The following FHOD3 variants were observed in gnomAD, a reference collection of about 807,000 sequenced individuals.
FHOD3 encodes the protein formin homology 2 domain containing 3.
FHOD3 carries 90 observed loss-of-function variants against 173.0 expected under a neutral mutation model. The ratio of observed to expected loss-of-function variants is 0.52; its 90% confidence interval spans 0.44 to 0.62. The LOEUF is 0.62. Among genes scored for constraint, FHOD3 ranks in the 20% least tolerant of loss-of-function variants. FHOD3 has a pLI of 0.00. For synonymous variants in FHOD3, 828 were observed against 823.0 expected, an observed-to-expected ratio of 1.01 and a Z score of -0.10; for missense variants, 1,945 against 2,034.7, an observed-to-expected ratio of 0.96 and a Z score of 0.85.
chr18:36,312,381 C>G (rs1020818003), intron 1 of FHOD3, among the ~76,000 whole-genome samples: 3 of 152,150 alleles, frequency 2.0e-5, no homozygotes, highest in Admixed American at 2.0e-4. Flanking sequence ...TGACGACCCC[C>G]TAGAGCTGAC....
intron 3 of FHOD3, among the ~76,000 whole-genome samples, chr18:36,407,331 C>T (rs1351983593): frequency 2.0e-5 from 3 of 152,242 alleles, no homozygotes; most frequent in Non-Finnish European, 2.9e-5. Context: ...TCTACCAATT[C>T]ATTGATCCTC....
chr18:36,681,412 A>G lies in FHOD3; in HGVS notation c.1836-24A>G. On this transcript the variant is annotated intron_variant, in intron 14 of 28. Transcript: ENST00000590592. ...TTTTAATCACAGGCCAAGCAACTGAAACATTAACTCATTGTATCTCCAGGT... is the reference window on the plus strand; with the variant it reads ...TTTTAATCACAGGCCAAGCAACTGAGACATTAACTCATTGTATCTCCAGGT... 1.9e-6 allele frequency: 3 copies of G among 1,612,884 alleles called. No individual in the cohort carries two copies. The South Asian group carries it at 3.3e-5, about 18-fold the overall frequency.
chr18:36,320,717 A>G (rs543218162), intron 1 of FHOD3, among the ~76,000 whole-genome samples: 290 of 152,350 alleles, frequency 1.9e-3, no homozygotes, highest in Non-Finnish European at 3.3e-3. Flanking sequence ...TCTGGAATCA[A>G]TACCTGTCAA....
chr18:36,604,040 G>A (rs2031763145), intron 8 of FHOD3, among the ~76,000 whole-genome samples: 2 of 152,144 alleles, frequency 1.3e-5, no homozygotes, highest in Admixed American at 6.5e-5. Flanking sequence ...TCACCACCTT[G>A]TAGGGCAGTC....
At chr18:36,654,172 G>A (rs953745047) in intron 13 of FHOD3, among the ~76,000 whole-genome samples, 1 of 152,172 alleles carries the variant, frequency 6.6e-6, no homozygotes, top group African/African-American at 2.4e-5. Flanking sequence ...CCCAGTCTGG[G>A]TGCCCTACTC....
chr18:36,648,297 G>A (rs1034941995), intron 10 of FHOD3, among the ~76,000 whole-genome samples: 1 of 152,162 alleles, frequency 6.6e-6, no homozygotes, highest in African/African-American at 2.4e-5. Context: ...GCTAAAGGTG[G>A]AGGTCACTGG....
intron 3 of FHOD3, among the ~76,000 whole-genome samples, chr18:36,463,688 G>A (rs889643769): frequency 2.6e-5 from 4 of 151,866 alleles, no homozygotes; most frequent in Admixed American, 6.6e-5. Flanking sequence ...TAGAGATAGG[G>A]TTTCACCATG....
Position 36,718,498 on chromosome 18 carries a change from T to C in FHOD3, c.3200T>C (p.Leu1067Ser). Residue 1067 changes from leucine to serine, a missense_variant, in exon 19 of 29, where the codon TTA becomes TCA. By Grantham distance (145) the Leu-to-Ser change is moderately radical. This residue lies in a region of FHOD3 where 1,099 missense variants were observed against 1,051.2 expected (regional missense o/e 1.05). Coordinates refer to ENST00000590592, the MANE Select transcript of FHOD3 (RefSeq NM_001281740.3). ...PPPVFNAPQG[L>S]GWSQVPRGQP... Reference sequence around the variant, plus strand: ...CCAGTGTTCAACGCTCCTCAGGGCTTAGGGTGGTCCCAGGTACCCAGGGGT... The same window carrying C: ...CCAGTGTTCAACGCTCCTCAGGGCTCAGGGTGGTCCCAGGTACCCAGGGGT... The C allele has an allele frequency of 6.2e-7, 1 of 1,613,984 alleles. No individual in the cohort carries two copies. The highest frequency in any genetic ancestry group is 8.5e-7 in the Non-Finnish European group (1 of 1,180,006).
intron 9 of FHOD3, among the ~76,000 whole-genome samples, chr18:36,623,636 C>G (rs2033876030): frequency 6.6e-6 from 1 of 152,202 alleles, no homozygotes; most frequent in African/African-American, 2.4e-5. Context: ...TTTATCAATT[C>G]TTGCCTCAAA....
intron 5 of FHOD3, among the ~76,000 whole-genome samples, chr18:36,566,827 G>C (rs575533387): frequency 4.6e-5 from 7 of 151,904 alleles, no homozygotes; most frequent in African/African-American, 1.2e-4. Flanking sequence ...AAGGAGTCTG[G>C]AATAGCAGAT....
chr18:36,476,894 A>C (rs1225940371), intron 3 of FHOD3, among the ~76,000 whole-genome samples: 3 of 152,216 alleles, frequency 2.0e-5, no homozygotes, highest in Admixed American at 1.3e-4. Context: ...TGGAATATGG[A>C]AGAAGCATAG....
rs546991789 is a variant in FHOD3 at position 36,625,692 on chromosome 18, C to T, written c.1139C>T (p.Pro380Leu). ...AGCACCCTGTCGGCCCCCACCAGTC[C>T]CTGCTCCCAGTCAGCTCCCAGCTTC... ...IKSTLSAPTS[P>L]CSQSAPSFKP... The change falls in exon 10 of 29, where the codon CCC (proline) becomes CTC (leucine). Residue 380 changes from proline to leucine, a missense_variant. Physicochemically the swap from Pro to Leu is moderately conservative, Grantham distance 98. Around this residue, in one of 5 missense-constraint regions of FHOD3, gnomAD observed 1,099 missense variants for 1,051.2 expected, o/e 1.05. Coordinates refer to ENST00000590592, the MANE Select transcript of FHOD3 (RefSeq NM_001281740.3). The T allele has an allele frequency of 1.2e-4, 199 of 1,610,732 alleles. No individual in the cohort carries two copies. The South Asian group carries it at 2.1e-3, about 17-fold the overall frequency.
At chr18:36,592,857 T>C (rs1257764194) in intron 6 of FHOD3, among the ~76,000 whole-genome samples, 1 of 152,174 alleles carries the variant, frequency 6.6e-6, no homozygotes, top group African/African-American at 2.4e-5. Flanking sequence ...TCTGTTAGCA[T>C]CTGAGTGGAG....
chr18:36,394,128 G>A (rs1460729348), intron 3 of FHOD3, among the ~76,000 whole-genome samples: 2 of 152,282 alleles, frequency 1.3e-5, no homozygotes, highest in South Asian at 2.1e-4. Context: ...GAGTAGGGGA[G>A]TGAGAAATAT....
chr18:36,354,241 T>C (rs1399526324), intron 1 of FHOD3, among the ~76,000 whole-genome samples: 1 of 152,200 alleles, frequency 6.6e-6, no homozygotes, highest in African/African-American at 2.4e-5. Context: ...ATGCAGAGTG[T>C]AGTGGTTGAG....
intron 5 of FHOD3, among the ~76,000 whole-genome samples, chr18:36,562,811 T>G (rs557603613): frequency 6.6e-6 from 1 of 152,338 alleles, no homozygotes; most frequent in Admixed American, 6.5e-5. Flanking sequence ...GACTCACCTG[T>G]GGAGCCCTGA....
intron 1 of FHOD3, among the ~76,000 whole-genome samples, chr18:36,318,911 T>A (rs893611188): frequency 6.6e-6 from 1 of 152,236 alleles, no homozygotes; most frequent in Non-Finnish European, 1.5e-5. Context: ...ATACCTAGTT[T>A]ACTGGGAGTT....
rs572320917 is a variant in FHOD3 at position 36,530,244 on chromosome 18, A to G, written c.511+17701A>G. Among the ~76,000 whole-genome samples the G allele has an allele frequency of 8.5e-5, 13 of 152,312 alleles. No homozygotes were observed. In the South Asian group the frequency reaches 2.7e-3, roughly 32 times the overall value. ...GCTTAAAATAAGAAGCATGACCAGT[A>G]CGTGATTTGGCCTTTCCTGACCACT... On this transcript the variant is annotated intron_variant, in intron 5 of 28. Transcript: ENST00000590592.
At chr18:36,492,327 T>A (rs935623030) in intron 3 of FHOD3, among the ~76,000 whole-genome samples, 5 of 152,164 alleles carry the variant, frequency 3.3e-5, no homozygotes, top group African/African-American at 1.2e-4. Context: ...CCCTTAGTGT[T>A]ACCATCACCT....
Sources: gnomAD v4.1 joint callset for allele counts (sites outside exome capture counted in the v4.1 genomes callset) on GRCh38, gnomAD v4.1.1 for gene constraint, gnomAD v4.1.1 regional missense constraint, MANE v1.5 for transcripts, NCBI Gene and HGNC (gene_info 2026-07-23, HGNC 2026-07-21) for gene names.